The following ALK variants were observed in gnomAD, a reference collection of about 807,000 sequenced individuals.
The protein encoded by ALK is ALK tyrosine kinase receptor.
In ALK, 74 loss-of-function variants were observed where a neutral mutation model predicts 163.1. That is an observed-to-expected ratio of 0.45 (90% confidence interval 0.38 to 0.55). The LOEUF (loss-of-function observed/expected upper bound fraction) is 0.55, where lower values mean the gene tolerates loss of function less well. Among genes scored for constraint, ALK ranks in the 20% least tolerant of loss-of-function variants. The pLI is 0.00. For missense variants in ALK, 2,063 were observed against 2,105.3 expected, an observed-to-expected ratio of 0.98 and a Z score of 0.39; for synonymous variants, 960 against 843.2, an observed-to-expected ratio of 1.14 and a Z score of -2.40.
In ALK at chr2:29,283,090, C is replaced by A. The variant is rs373228923; in HGVS notation, c.1818-7594G>T. Among the ~76,000 whole-genome samples, 31 of 152,328 alleles carry A rather than the reference C, an allele frequency of 2.0e-4. 1 individual carries two copies. Among genetic ancestry groups the A allele is most frequent in the East Asian group, 1.5e-3 (8 of 5,184 alleles). On this transcript the variant is annotated intron_variant, in intron 9 of 28. Coordinates refer to ENST00000389048, the MANE Select transcript of ALK (RefSeq NM_004304.5). ...GGGGCCTGTGCACAAAAATACTCGA[C>A]CTACAGTCAAATGCCAAGTGCCCTA...
rs140691633 is a variant in ALK at position 29,893,029 on chromosome 2, G to A, written c.667+26964C>T. The stretch of plus-strand genomic sequence containing the variant: ...CCATTAGGGCACAGTACTGCCTTGC[G>A]CTGGCCATAATGTTTCCCTCCTTGA... On this transcript the variant is annotated intron_variant, in intron 1 of 28. Transcript: ENST00000389048. Among the ~76,000 whole-genome samples, 20 of 152,214 alleles carry A rather than the reference G, an allele frequency of 1.3e-4. No individual in the cohort carries two copies. The East Asian group carries it at 2.7e-3, about 21-fold the overall frequency.
chr2:29,353,503 G>T (rs1223296768), intron 5 of ALK, among the ~76,000 whole-genome samples: 1 of 152,164 alleles, frequency 6.6e-6, no homozygotes, highest in Non-Finnish European at 1.5e-5. Flanking sequence ...TTGCTTTGCC[G>T]AGTCTGGGTC....
chr2:29,832,446 C>A (rs1191022964), intron 1 of ALK, among the ~76,000 whole-genome samples: 1 of 152,120 alleles, frequency 6.6e-6, no homozygotes, highest in Non-Finnish European at 1.5e-5. Flanking sequence ...CCAAGAAGCC[C>A]AAAATTTGTT....
chr2:29,699,455 T>C (rs1323626123), intron 2 of ALK, among the ~76,000 whole-genome samples: 1 of 152,214 alleles, frequency 6.6e-6, no homozygotes, highest in Non-Finnish European at 1.5e-5. Flanking sequence ...TAATGCAGAA[T>C]ATCCAGTGTT....
At chr2:29,689,965 C>T (rs934874717) in intron 3 of ALK, among the ~76,000 whole-genome samples, 21 of 152,148 alleles carry the variant, frequency 1.4e-4, no homozygotes, top group Admixed American at 5.9e-4. Context: ...TCAGAGCCTC[C>T]GGGAGGTACT....
At chr2:29,233,296 C>T (rs1404448916) in intron 14 of ALK, among the ~76,000 whole-genome samples, 1 of 152,130 alleles carries the variant, frequency 6.6e-6, no homozygotes, top group Admixed American at 6.5e-5. Flanking sequence ...GTGCAAGCCA[C>T]CAAAACTGGC....
intron 4 of ALK, among the ~76,000 whole-genome samples, chr2:29,423,003 C>G (rs1329913125): frequency 6.6e-6 from 1 of 150,988 alleles, no homozygotes; most frequent in African/African-American, 2.4e-5. Flanking sequence ...GGGAGATGAG[C>G]GTGGGTAAGG....
chr2:29,388,241 C>T lies in ALK; in HGVS notation c.1155-4382G>A, dbSNP rs367592016. On this transcript the variant is annotated intron_variant, in intron 4 of 28. Transcript: ENST00000389048. ...GCTGTGACTCAGGAGGGCAAAGGCA[C>T]CAAGTTATTTTAAGCCCAGAATGAA... is the stretch of plus-strand genomic sequence containing the variant. 9.2e-5 allele frequency among the ~76,000 whole-genome samples: 14 copies of T among 152,264 alleles called. No individual in the cohort carries two copies. In the South Asian group the frequency reaches 2.7e-3, roughly 29 times the overall value.
intron 4 of ALK, among the ~76,000 whole-genome samples, chr2:29,403,420 C>G (rs1354172542): frequency 6.6e-6 from 1 of 152,140 alleles, no homozygotes; most frequent in Non-Finnish European, 1.5e-5. Flanking sequence ...TTCCTCTACC[C>G]TACTAAGCTC....
chr2:29,755,263 G>A (rs1181357943), intron 1 of ALK, among the ~76,000 whole-genome samples: 2 of 152,214 alleles, frequency 1.3e-5, no homozygotes, highest in Non-Finnish European at 2.9e-5. Context: ...TGGACTTGGA[G>A]TCCCTGCCGG....
chr2:29,502,996 T>C (rs1672225659), intron 4 of ALK, among the ~76,000 whole-genome samples: 1 of 152,162 alleles, frequency 6.6e-6, no homozygotes, highest in Non-Finnish European at 1.5e-5. Flanking sequence ...AGATTGTCTT[T>C]ATGCAGGGTG....
intron 3 of ALK, among the ~76,000 whole-genome samples, chr2:29,614,204 G>A (rs1675777019): frequency 1.3e-5 from 2 of 152,172 alleles, no homozygotes; most frequent in Admixed American, 6.5e-5. Context: ...CGAACCCTTA[G>A]TATCAACTCC....
intron 5 of ALK, among the ~76,000 whole-genome samples, chr2:29,337,103 A>G (rs1245625779): frequency 6.6e-6 from 1 of 152,152 alleles, no homozygotes; most frequent in East Asian, 1.9e-4. Context: ...GAGTGCACAG[A>G]CTAACAGCTG....
At position 29,193,190 on chromosome 2, in the gene ALK, A is replaced by G. The variant is rs1668916091; in HGVS notation, c.*34T>C. On this transcript the variant is annotated 3_prime_UTR_variant, in exon 29 of 29. Coordinates refer to ENST00000389048, the MANE Select transcript of ALK (RefSeq NM_004304.5). ...CTCTCTCTCCTCCACGGTCTTAGGG[A>G]TCCCAAGGAAGAGAAGTGAGTGTGC... 6.2e-7 allele frequency: 1 copy of G among 1,605,420 alleles called. No homozygotes were observed. The highest frequency in any genetic ancestry group is 8.5e-7 in the Non-Finnish European group (1 of 1,173,536).
intron 3 of ALK, among the ~76,000 whole-genome samples, chr2:29,558,263 G>T (rs989083945): frequency 2.0e-4 from 30 of 152,294 alleles, no homozygotes; most frequent in African/African-American, 7.2e-4. Flanking sequence ...AGTACTGTTA[G>T]AATTGGATTA....
chr2:29,323,178 G>C (rs1481212190), intron 6 of ALK, among the ~76,000 whole-genome samples: 1 of 152,208 alleles, frequency 6.6e-6, no homozygotes, highest in African/African-American at 2.4e-5. Flanking sequence ...CTGGTTTGAG[G>C]ATAAAGTAGG....
chr2:29,350,121 T>C (rs1317909517), intron 5 of ALK, among the ~76,000 whole-genome samples: 2 of 152,170 alleles, frequency 1.3e-5, no homozygotes, highest in Non-Finnish European at 2.9e-5. Context: ...TTTATGTATG[T>C]GTAAAATGGG....
At chr2:29,565,974 TCTTA>T (rs1027872796) in intron 3 of ALK, among the ~76,000 whole-genome samples, 16 of 152,142 alleles carry the variant, frequency 1.1e-4, no homozygotes, top group African/African-American at 3.9e-4. Flanking sequence ...ACCTGTCAGC[TCTTA>T]CTTCTTCGAG....
intron 3 of ALK, among the ~76,000 whole-genome samples, chr2:29,581,207 G>A (rs1022707773): frequency 1.3e-5 from 2 of 152,116 alleles, no homozygotes; most frequent in African/African-American, 4.8e-5. Flanking sequence ...GGCCAACATG[G>A]TGAAACCCCA....
Sources: allele counts gnomAD v4.1 joint callset (sites outside exome capture counted in the v4.1 genomes callset), GRCh38; gene constraint gnomAD v4.1.1; transcripts MANE v1.5; gene names NCBI Gene and HGNC (gene_info 2026-07-23, HGNC 2026-07-21).